CPEB3: variants seen among roughly 807,000 people sequenced by gnomAD.
The protein encoded by CPEB3 is cytoplasmic polyadenylation element binding protein 3.
CPEB3 carries 20 observed loss-of-function variants against 67.2 expected under a neutral mutation model. The observed-to-expected ratio is 0.30, with a 90% CI of 0.21 to 0.43. The LOEUF is 0.43. Among genes scored for constraint, CPEB3 ranks in the 20% least tolerant of loss-of-function variants. CPEB3 has a pLI of 1.00. For synonymous variants in CPEB3, 376 were observed against 393.1 expected (o/e 0.96, Z 0.51); for missense variants, 746 against 968.6 (o/e 0.77, Z 3.05).
intron 1 of CPEB3, among the ~76,000 whole-genome samples, chr10:92,244,748 A>G (rs1190634866): frequency 6.6e-6 from 1 of 151,990 alleles, no homozygotes; most frequent in East Asian, 1.9e-4. Context: ...AGTTTCTATT[A>G]AAAACTGTTT....
chr10:92,199,081 T>C (rs887420671), intron 2 of CPEB3, among the ~76,000 whole-genome samples: 1 of 152,216 alleles, frequency 6.6e-6, no homozygotes, highest in Non-Finnish European at 1.5e-5. Flanking sequence ...CGAAGTTAAA[T>C]GCATCTAACA....
At chr10:92,232,171 A>G (rs970508921) in intron 2 of CPEB3, among the ~76,000 whole-genome samples, 1 of 148,900 alleles carries the variant, frequency 6.7e-6, no homozygotes, top group Non-Finnish European at 1.5e-5. Context: ...TCCTGCCTCA[A>G]CCTCCCGAGT....
chr10:92,211,560 A>G (rs1341285904), intron 2 of CPEB3, among the ~76,000 whole-genome samples: 1 of 149,560 alleles, frequency 6.7e-6, no homozygotes, highest in African/African-American at 2.5e-5. Context: ...TTTTTGAGAC[A>G]GAGTCTCGCT....
chr10:92,131,867 G>A (rs1351787473), intron 6 of CPEB3, among the ~76,000 whole-genome samples: 2 of 152,132 alleles, frequency 1.3e-5, no homozygotes, highest in African/African-American at 2.4e-5. Context: ...ACAAAAACAG[G>A]TAGTTTGTTG....
chr10:92,211,522 A>G (rs1850082031), intron 2 of CPEB3, among the ~76,000 whole-genome samples: 1 of 152,080 alleles, frequency 6.6e-6, no homozygotes, highest in Non-Finnish European at 1.5e-5. Flanking sequence ...CAGCTCATTC[A>G]AACATATATC....
chr10:92,230,323 C>T (rs1851208810), intron 2 of CPEB3, among the ~76,000 whole-genome samples: 1 of 152,160 alleles, frequency 6.6e-6, no homozygotes, highest in Non-Finnish European at 1.5e-5. Flanking sequence ...TATTTGGCCA[C>T]ACAATAGTCC....
chr10:92,123,551 A>G (rs908020019), intron 6 of CPEB3, among the ~76,000 whole-genome samples: 1 of 152,208 alleles, frequency 6.6e-6, no homozygotes, highest in Non-Finnish European at 1.5e-5. Flanking sequence ...GCTCAATGTC[A>G]TATAGCTAGT....
At chr10:92,236,890 T>G (rs540245378) in intron 2 of CPEB3, among the ~76,000 whole-genome samples, 1 of 152,342 alleles carries the variant, frequency 6.6e-6, no homozygotes, top group East Asian at 1.9e-4. Flanking sequence ...TTAAAAATTT[T>G]AACATACATT....
intron 8 of CPEB3, among the ~76,000 whole-genome samples, chr10:92,087,913 C>T (rs1039359162): frequency 1.3e-5 from 2 of 152,194 alleles, no homozygotes; most frequent in South Asian, 4.2e-4. Flanking sequence ...AAAGAATATG[C>T]GAGCTTTAGC....
At chr10:92,095,600 A>ATATATTT (rs377039483) in intron 7 of CPEB3, among the ~76,000 whole-genome samples, 1 of 123,124 alleles carries the variant, frequency 8.1e-6, no homozygotes, top group Admixed American at 8.3e-5. Context: ...ATATATATAT[A>ATATATTT]TTTTTTTTTT....
chr10:92,251,305 T>TA (rs1564909199), intron 1 of CPEB3, among the ~76,000 whole-genome samples: 1 of 152,152 alleles, frequency 6.6e-6, no homozygotes, highest in Non-Finnish European at 1.5e-5. Context: ...CTGTACCTTC[T>TA]TCCCTTTTCC....
At chr10:92,052,694 TG>T (rs1451607305) in intron 9 of CPEB3, among the ~76,000 whole-genome samples, 2 of 152,218 alleles carry the variant, frequency 1.3e-5, no homozygotes, top group South Asian at 2.1e-4. Context: ...AAAATGGGTA[TG>T]TTTACACACA....
intron 9 of CPEB3, among the ~76,000 whole-genome samples, chr10:92,059,324 T>TCAAAAAAAAAA (rs1554877446): frequency 4.4e-5 from 1 of 22,596 alleles, no homozygotes; most frequent in Non-Finnish European, 1.1e-4. Context: ...TGAAACTCTG[T>TCAAAAAAAAAA]CAAAAAAAAA....
At chr10:92,261,877 G>T (rs1297610103) in intron 1 of CPEB3, among the ~76,000 whole-genome samples, 1 of 152,168 alleles carries the variant, frequency 6.6e-6, no homozygotes, top group Non-Finnish European at 1.5e-5. Flanking sequence ...ACTAATAAGT[G>T]GTGAGTCCAA....
chr10:92,249,422 C>T (rs1045070365), intron 1 of CPEB3, among the ~76,000 whole-genome samples: 2 of 150,140 alleles, frequency 1.3e-5, no homozygotes, highest in African/African-American at 4.9e-5. Flanking sequence ...ATGTACAGTA[C>T]AAAATACTTG....
chr10:92,233,531 T>TAA (rs57864053), intron 2 of CPEB3, among the ~76,000 whole-genome samples: 1 of 113,432 alleles, frequency 8.8e-6, no homozygotes, highest in Non-Finnish European at 1.9e-5. Context: ...ATTCTGTCTT[T>TAA]AAAAAAAAAA....
intron 3 of CPEB3, among the ~76,000 whole-genome samples, chr10:92,189,866 C>T (rs767295980): frequency 2.7e-5 from 4 of 150,258 alleles, no homozygotes; most frequent in Admixed American, 1.3e-4. Context: ...CTTTCCTTTT[C>T]GTCCTTTTAC....
intron 2 of CPEB3, among the ~76,000 whole-genome samples, chr10:92,209,952 A>AT (rs1849996541): frequency 6.6e-6 from 1 of 151,442 alleles, no homozygotes; most frequent in African/African-American, 2.4e-5. Context: ...AAAAAAAAAA[A>AT]AAAAAAAAAA....
Position 92,240,376 on chromosome 10 carries a change from AAGAG to A in CPEB3, c.-11-19_-11-16del, listed in dbSNP as rs1011524724. 14 of 1,438,880 alleles carry A rather than the reference AAGAG, an allele frequency of 9.7e-6. No individual in the cohort carries two copies. The East Asian group carries it at 2.1e-4, about 21-fold the overall frequency. 89.1% of individuals were successfully genotyped at this position (1,438,880 alleles called of 1,614,324 possible). On this transcript the variant is annotated splice_polypyrimidine_tract_variant and intron_variant, in intron 1 of 9. Transcript: ENST00000265997. ...GGTTTGCGCAGCTGAAACGGGAAAAAAGAGAGACGCGTTATTGTCAATGTGATCA... is the reference window on the plus strand; with the variant it reads ...GGTTTGCGCAGCTGAAACGGGAAAAAAGACGCGTTATTGTCAATGTGATCA...
Sources: gnomAD v4.1 joint callset for allele counts (sites outside exome capture counted in the v4.1 genomes callset) on GRCh38, gnomAD v4.1.1 for gene constraint, MANE v1.5 for transcripts, NCBI Gene and HGNC (gene_info 2026-07-23, HGNC 2026-07-21) for gene names.